The following PRKG1 variants were observed in gnomAD, a reference collection of about 807,000 sequenced individuals.
PRKG1 encodes protein kinase cGMP-dependent 1.
PRKG1 carries 35 observed loss-of-function variants against 88.1 expected under a neutral mutation model. The observed-to-expected ratio is 0.40, with a 90% confidence interval of 0.30 to 0.53. The LOEUF (loss-of-function observed/expected upper bound fraction) is 0.53, where lower values mean the gene tolerates loss of function less well. Among genes scored for constraint, PRKG1 ranks in the 20% least tolerant of loss-of-function variants. PRKG1 has a pLI of 0.59. For synonymous variants in PRKG1, 303 were observed against 292.5 expected (o/e 1.04, Z -0.37); for missense variants, 540 against 839.8 (o/e 0.64, Z 4.41).
chr10:51,738,179 C>T (rs1837340734), intron 3 of PRKG1, among the ~76,000 whole-genome samples: 1 of 152,186 alleles, frequency 6.6e-6, no homozygotes, highest in Admixed American at 6.5e-5. Flanking sequence ...TGGTGATCTT[C>T]TCAAGTTATA....
At chr10:51,219,143 A>G (rs1244491005) in intron 2 of PRKG1, among the ~76,000 whole-genome samples, 1 of 152,224 alleles carries the variant, frequency 6.6e-6, no homozygotes, top group Non-Finnish European at 1.5e-5. Flanking sequence ...AATTTTACCT[A>G]TGAATACAGA....
At chr10:51,444,277 T>G (rs1464264846) in intron 2 of PRKG1, among the ~76,000 whole-genome samples, 1 of 151,650 alleles carries the variant, frequency 6.6e-6, no homozygotes, top group Non-Finnish European at 1.5e-5. Flanking sequence ...GAATTGCACC[T>G]CATCATTTTG....
At chr10:51,418,209 A>G (rs1397999924) in intron 2 of PRKG1, among the ~76,000 whole-genome samples, 1 of 152,194 alleles carries the variant, frequency 6.6e-6, no homozygotes, top group Non-Finnish European at 1.5e-5. Flanking sequence ...GAGCTCCTCC[A>G]GTTTTTTAGT....
At chr10:51,822,141 T>C (rs1224904553) in intron 4 of PRKG1, among the ~76,000 whole-genome samples, 2 of 152,004 alleles carry the variant, frequency 1.3e-5, no homozygotes, top group Non-Finnish European at 2.9e-5. Context: ...TGTATGTATG[T>C]CATATGTATA....
upstream of PRKG1, chr10:51,074,346 C>A: frequency 1.1e-6 from 1 of 946,656 alleles, no homozygotes; most frequent in Non-Finnish European, 1.5e-6. Flanking sequence ...GTTGGACCTG[C>A]TGGTTTGCTC....
chr10:51,751,101 A>G (rs1351694432), intron 3 of PRKG1, among the ~76,000 whole-genome samples: 2 of 152,032 alleles, frequency 1.3e-5, no homozygotes, highest in African/African-American at 4.8e-5. Context: ...TCCCTCCCCA[A>G]CCTTACTCAG....
chr10:51,609,346 G>A (rs1838845031), intron 3 of PRKG1, among the ~76,000 whole-genome samples: 1 of 152,040 alleles, frequency 6.6e-6, no homozygotes, highest in African/African-American at 2.4e-5. Flanking sequence ...CTCTATATGG[G>A]TGTGTCATTT....
At chr10:51,412,176 A>T (rs549619256) in intron 2 of PRKG1, among the ~76,000 whole-genome samples, 2 of 82,826 alleles carry the variant, frequency 2.4e-5, no homozygotes, top group African/African-American at 1.1e-4. Flanking sequence ...TAAAGGAGAG[A>T]GAGTGAGAGA....
At chr10:51,873,617 T>C (rs1315749979) in intron 4 of PRKG1, among the ~76,000 whole-genome samples, 1 of 149,420 alleles carries the variant, frequency 6.7e-6, no homozygotes, top group Non-Finnish European at 1.5e-5. Context: ...AACCTCTGCC[T>C]CCCGGGTTTA....
chr10:51,353,147 A>G (rs920487679), intron 2 of PRKG1, among the ~76,000 whole-genome samples: 3 of 152,126 alleles, frequency 2.0e-5, no homozygotes, highest in East Asian at 1.9e-4. Context: ...AATAAAATCA[A>G]AATAGATTAA....
At chr10:52,065,155 A>T (rs1846327332) in intron 7 of PRKG1, among the ~76,000 whole-genome samples, 1 of 152,186 alleles carries the variant, frequency 6.6e-6, no homozygotes, top group South Asian at 2.1e-4. Flanking sequence ...AATGCATGAT[A>T]AAAATATTTG....
At chr10:52,169,472 C>T (rs1589668680) in intron 9 of PRKG1, among the ~76,000 whole-genome samples, 1 of 152,096 alleles carries the variant, frequency 6.6e-6, no homozygotes, top group Non-Finnish European at 1.5e-5. Context: ...GCCCTCATGA[C>T]CCAATAACCT....
At chr10:51,911,130 A>C (rs1842207015) in intron 5 of PRKG1, 1 of 152,158 alleles carries the variant, frequency 6.6e-6, no homozygotes, top group African/African-American at 2.4e-5. Flanking sequence ...ATTTATGAGA[A>C]AAAGTACTGG....
Position 52,233,750 on chromosome 10 carries a change from AT to A in PRKG1, c.1077-17818del, listed in dbSNP as rs1384388817. ...CGAGGCTGGGGGAGGGGCGCCCGCC[AT>A]TGCCCAGGCTTGCTTAGGTAAACAA... is the stretch of plus-strand genomic sequence containing the variant. On this transcript the variant is annotated intron_variant, in intron 9 of 17. Coordinates refer to ENST00000373980, the MANE Select transcript of PRKG1 (RefSeq NM_006258.4). 3.3e-5 allele frequency among the ~76,000 whole-genome samples: 5 copies of A among 149,922 alleles called. No individual in the cohort carries two copies. In the East Asian group the frequency reaches 1.0e-3, roughly 30 times the overall value.
intron 9 of PRKG1, among the ~76,000 whole-genome samples, chr10:52,223,551 T>C (rs190907712): frequency 4.9e-4 from 74 of 152,268 alleles, no homozygotes; most frequent in African/African-American, 1.7e-3. Flanking sequence ...CTATCTATCC[T>C]TTCATCCTTG....
intron 1 of PRKG1, among the ~76,000 whole-genome samples, chr10:51,118,772 A>G (rs189727785): frequency 7.4e-4 from 112 of 152,222 alleles, no homozygotes; most frequent in Middle Eastern, 3.4e-3. Context: ...TATTCTATTT[A>G]ATTTACAGTA....
At chr10:51,712,567 T>C (rs371253814) in intron 3 of PRKG1, among the ~76,000 whole-genome samples, 3 of 149,236 alleles carry the variant, frequency 2.0e-5, no homozygotes, top group South Asian at 4.2e-4. Context: ...ATGTTGACTC[T>C]AAAATATTAT....
chr10:52,035,344 C>A (rs1347843181), intron 5 of PRKG1, among the ~76,000 whole-genome samples: 1 of 151,948 alleles, frequency 6.6e-6, no homozygotes, highest in Non-Finnish European at 1.5e-5. Flanking sequence ...TGAATAATCC[C>A]TGAGGAGTAC....
intron 1 of PRKG1, among the ~76,000 whole-genome samples, chr10:51,085,960 G>A (rs897515527): frequency 6.6e-6 from 1 of 152,070 alleles, no homozygotes; most frequent in African/African-American, 2.4e-5. Flanking sequence ...ATTTTACTTC[G>A]ATTCTTTGTT....
Sources: allele counts gnomAD v4.1 joint callset (sites outside exome capture counted in the v4.1 genomes callset), GRCh38; gene constraint gnomAD v4.1.1; transcripts MANE v1.5; gene names NCBI Gene and HGNC (gene_info 2026-07-23, HGNC 2026-07-21).